Variants in GINS1 observed in about 807,000 individuals in gnomAD.
The protein encoded by GINS1 is GINS complex subunit 1.
GINS1 carries 26 observed loss-of-function variants against 34.9 expected under a neutral mutation model. The observed-to-expected ratio is 0.74, with a 90% confidence interval of 0.55 to 1.03. The LOEUF (loss-of-function observed/expected upper bound fraction) is 1.03. Among genes scored for constraint, GINS1 ranks in the 50% least tolerant of loss-of-function variants. The pLI is 0.00. For missense variants in GINS1, 235 were observed against 237.9 expected (o/e 0.99, Z 0.08); for synonymous variants, 97 against 84.4 (o/e 1.15, Z -0.82).
At chr20:25,442,854 C>T (rs2090490353) in intron 6 of GINS1, among the ~76,000 whole-genome samples, 2 of 152,156 alleles carry the variant, frequency 1.3e-5, no homozygotes, top group Admixed American at 1.3e-4. Context: ...AATCCACCCA[C>T]CTCAGCCTCC....
chr20:25,422,698 T>G (rs1001305926), intron 4 of GINS1, among the ~76,000 whole-genome samples: 1 of 152,252 alleles, frequency 6.6e-6, no homozygotes, highest in African/African-American at 2.4e-5. Flanking sequence ...GCAGTATCCT[T>G]TAATGATTGA....
At position 25,407,720 on chromosome 20, in the gene GINS1, T is replaced by A. The variant is rs181533614; in HGVS notation, c.-101T>A. 597 of 906,348 alleles carry A rather than the reference T, an allele frequency of 6.6e-4. 2 individuals carry two copies. In the African/African-American group the frequency reaches 8.4e-3, roughly 13 times the overall value. The allele number at this position is 906,348 out of a possible 1,614,324, so 56.1% of individuals were successfully genotyped here. ...GGAGGCCGAGGCGAGAGCCTGGCGC[T>A]GTAGGACTAGAACGAAAGGAGTGAG... On this transcript the variant is annotated 5_prime_UTR_variant, in exon 1 of 7. Transcript: ENST00000262460.
Position 25,447,409 on chromosome 20 carries a change from G to A in GINS1, c.*1418G>A, listed in dbSNP as rs2090518547. On this transcript the variant is annotated 3_prime_UTR_variant, in exon 7 of 7. Transcript: ENST00000262460. Reference sequence around the variant, plus strand: ...ACCTTCACTTTTTCTTGGGAATATAGATATCCAGCTGTTTCACTACCATTT... The same window carrying A: ...ACCTTCACTTTTTCTTGGGAATATAAATATCCAGCTGTTTCACTACCATTT... 6.6e-6 allele frequency: 1 copy of A among 152,162 alleles called. No individual in the cohort carries two copies. The highest frequency in any genetic ancestry group is 1.5e-5 in the Non-Finnish European group (1 of 68,032). The allele number at this position is 152,162 out of a possible 1,614,324, so 9.4% of individuals were successfully genotyped here.
rs149587999 is a variant in GINS1, at chr20:25,413,584, G to A, written c.76-206G>A. ...AAGTTTTTGCCCACAGGGCTATACC[G>A]TTTTACATTCCCACCAGCAATGTAC... On this transcript the variant is annotated intron_variant, in intron 1 of 6. Transcript: ENST00000262460. The A allele has an allele frequency of 6.3e-4, 349 of 552,978 alleles. 2 individuals are homozygous for A. In the Admixed American group the frequency reaches 7.6e-3, roughly 12 times the overall value. 34.3% of individuals were successfully genotyped at this position (552,978 alleles called of 1,614,324 possible).
At chr20:25,414,020 T>A (rs1377744779) in intron 2 of GINS1, among the ~76,000 whole-genome samples, 166 bp downstream of exon 2, 1 of 151,906 alleles carries the variant, frequency 6.6e-6, no homozygotes, top group Non-Finnish European at 1.5e-5. Flanking sequence ...TGAAACCTTG[T>A]CTCTACTAAA....
At position 25,442,382 on chromosome 20, in the gene GINS1, A is replaced by G. The variant is rs982073363; in HGVS notation, c.522+606A>G. Among the ~76,000 whole-genome samples, 6 of 151,356 alleles carry G rather than the reference A, an allele frequency of 4.0e-5. 1 individual carries two copies. The South Asian group carries it at 6.2e-4, about 16-fold the overall frequency. Reference sequence around the variant, plus strand: ...TGTCTGTCTGTCTGTCTATCTATCTATCTATCTTTAAAGAAAATAGAGATG... The same window carrying G: ...TGTCTGTCTGTCTGTCTATCTATCTGTCTATCTTTAAAGAAAATAGAGATG... On this transcript the variant is annotated intron_variant, in intron 6 of 6. Transcript: ENST00000262460.
Position 25,441,688 on chromosome 20 carries a change from A to ATTTTT in GINS1, c.448-12_448-8dup. ...AACTAATTTAGATAAAACATCTCTCATTTTTTCTTTCAGGTCCGGTGTCTA... is the reference window on the plus strand; with the variant it reads ...AACTAATTTAGATAAAACATCTCTCATTTTTTTTTTTCTTTCAGGTCCGGTGTCTA... On this transcript the variant is annotated splice_polypyrimidine_tract_variant and intron_variant, in intron 5 of 6. Coordinates refer to ENST00000262460, the MANE Select transcript of GINS1 (RefSeq NM_021067.5). 7.2e-7 allele frequency: 1 copy of ATTTTT among 1,398,564 alleles called. No homozygotes were observed. The highest frequency in any genetic ancestry group is 1.0e-6 in the Non-Finnish European group (1 of 1,000,796). The allele number at this position is 1,398,564 out of a possible 1,614,324, so 86.6% of individuals were successfully genotyped here. A position where few individuals can be genotyped will look rare whatever the true frequency, so the allele number is the denominator to read the frequency against.
chr20:25,415,381 C>A (rs2090313790), intron 2 of GINS1, among the ~76,000 whole-genome samples: 1 of 152,146 alleles, frequency 6.6e-6, no homozygotes, highest in African/African-American at 2.4e-5. Flanking sequence ...CAGTGGTAAA[C>A]AACAGTCAAG....
chr20:25,446,078 T>G lies in GINS1; in HGVS notation c.*87T>G, dbSNP rs2090511027. On this transcript the variant is annotated 3_prime_UTR_variant, in exon 7 of 7. Coordinates refer to ENST00000262460, the MANE Select transcript of GINS1 (RefSeq NM_021067.5). ...CCACCACTCCCTTCACCTCCCTCTTTGATTTTAGAAGCTATAGACATTGTT... is the reference window on the plus strand; with the variant it reads ...CCACCACTCCCTTCACCTCCCTCTTGGATTTTAGAAGCTATAGACATTGTT... 1.5e-6 allele frequency: 1 copy of G among 676,930 alleles called. No homozygotes were observed. Among genetic ancestry groups the G allele is most frequent in the African/African-American group, 1.8e-5 (1 of 55,616 alleles). 41.9% of individuals were successfully genotyped at this position (676,930 alleles called of 1,614,324 possible).
At chr20:25,443,508 C>T (rs982532440) in intron 6 of GINS1, among the ~76,000 whole-genome samples, 3 of 137,352 alleles carry the variant, frequency 2.2e-5, no homozygotes, top group Admixed American at 7.7e-5. Context: ...GACAAAGTCT[C>T]GCTCTTGTCC....
chr20:25,440,051 T>G (rs1439663183), intron 5 of GINS1, among the ~76,000 whole-genome samples: 1 of 152,104 alleles, frequency 6.6e-6, no homozygotes, highest in East Asian at 1.9e-4. Flanking sequence ...TTTATTTATT[T>G]GAGACGGAGT....
intron 5 of GINS1, among the ~76,000 whole-genome samples, chr20:25,429,253 G>A (rs1233349362): frequency 6.6e-6 from 1 of 151,964 alleles, no homozygotes; most frequent in Non-Finnish European, 1.5e-5. Context: ...GCCTCCCAGA[G>A]TGCCGGATTA....
intron 2 of GINS1, among the ~76,000 whole-genome samples, chr20:25,416,321 A>G (rs2090320236): frequency 6.6e-6 from 1 of 152,166 alleles, no homozygotes; most frequent in Admixed American, 6.6e-5. Context: ...AAAATTCTTT[A>G]TTCCACCTTC....
intron 2 of GINS1, 50 bp from the exon 3 acceptor site, chr20:25,417,054 A>G (rs770555867): frequency 3.6e-6 from 3 of 836,536 alleles, no homozygotes; most frequent in Middle Eastern, 2.3e-4. Context: ...TGAAAATTTT[A>G]CTTATCCTGA....
intron 4 of GINS1, among the ~76,000 whole-genome samples, chr20:25,424,824 A>T (rs1022327592): frequency 6.6e-6 from 1 of 152,204 alleles, no homozygotes; most frequent in Non-Finnish European, 1.5e-5. Flanking sequence ...GCACATATCC[A>T]TTCATCAGCT....
chr20:25,442,603 TA>T (rs1457741762), intron 6 of GINS1, among the ~76,000 whole-genome samples: 4 of 115,964 alleles, frequency 3.4e-5, no homozygotes, highest in African/African-American at 1.7e-4. Context: ...TTACTATTAT[TA>T]TTATTATTTT....
intron 2 of GINS1, among the ~76,000 whole-genome samples, chr20:25,416,741 C>A (rs1389322495): frequency 6.6e-6 from 1 of 152,196 alleles, no homozygotes; most frequent in African/African-American, 2.4e-5. Context: ...TGACGTAAGA[C>A]CATAACCTCA....
Position 25,430,757 on chromosome 20 carries a change from C to T in GINS1, c.447+5430C>T, listed in dbSNP as rs890191625. Among the ~76,000 whole-genome samples the T allele has an allele frequency of 5.9e-5, 9 of 152,052 alleles. No homozygotes were observed. In the East Asian group the frequency reaches 9.7e-4, roughly 16 times the overall value. On this transcript the variant is annotated intron_variant, in intron 5 of 6. Transcript: ENST00000262460. ...GTTGGTCAGGCTGGTCTCGAACTCC[C>T]GACCTCAGGTGATCCTCCCGCCTTG...
intron 5 of GINS1, among the ~76,000 whole-genome samples, chr20:25,436,398 A>C (rs1341500694): frequency 6.6e-6 from 1 of 151,984 alleles, no homozygotes; most frequent in Non-Finnish European, 1.5e-5. Context: ...GTTTTCAGTT[A>C]CTATTTCTTC....
Sources: gnomAD v4.1 joint callset for allele counts (sites outside exome capture counted in the v4.1 genomes callset) on GRCh38, gnomAD v4.1.1 for gene constraint, MANE v1.5 for transcripts, NCBI Gene and HGNC (gene_info 2026-07-23, HGNC 2026-07-21) for gene names.